KALRN: variants seen among roughly 807,000 people sequenced by gnomAD.
KALRN encodes the protein kalirin.
In KALRN, 70 loss-of-function variants were observed where a neutral mutation model predicts 353.7. The ratio of observed to expected loss-of-function variants is 0.20; its 90% CI spans 0.16 to 0.24. The LOEUF is 0.24. KALRN is among the 10% of genes least tolerant of loss of function. The pLI, the probability that KALRN is intolerant of heterozygous loss-of-function variation, is 1.00. For synonymous variants in KALRN, 1,391 were observed against 1,434.8 expected (o/e 0.97, Z 0.69); for missense variants, 2,791 against 3,756.7 (o/e 0.74, Z 6.72).
intron 35 of KALRN, among the ~76,000 whole-genome samples, chr3:124,633,452 G>C (rs915121821): frequency 6.6e-6 from 1 of 151,988 alleles, no homozygotes; most frequent in African/African-American, 2.4e-5. Context: ...ACCCCCTCTT[G>C]TTGTGATTTT....
At position 124,671,836 on chromosome 3, in the gene KALRN, A is replaced by G; in HGVS notation, c.6880A>G (p.Thr2294Ala). The G allele has an allele frequency of 1.2e-6, 2 of 1,613,968 alleles. No homozygotes were observed. Among genetic ancestry groups the G allele is most frequent in the Non-Finnish European group, 1.7e-6 (2 of 1,179,984 alleles). ...ACCTCTGCCTCCCCTGAAGATATCTACCTCCAATGGCAGTCCAGGGTTTGA... is the reference window on the plus strand; with the variant it reads ...ACCTCTGCCTCCCCTGAAGATATCTGCCTCCAATGGCAGTCCAGGGTTTGA... The part of the protein sequence containing the change: ...NPPLPPLKIS[T>A]SNGSPGFEYH... The change falls in exon 48 of 60, where the codon ACC becomes GCC. Residue 2294 changes from threonine (T) to alanine (A), a missense_variant. By Grantham distance (58) the Thr-to-Ala change is moderately conservative. Transcript: ENST00000682506.
chr3:124,294,003 C>T (rs1416362160), intron 5 of KALRN, among the ~76,000 whole-genome samples: 3 of 151,916 alleles, frequency 2.0e-5, no homozygotes, highest in Non-Finnish European at 2.9e-5. Flanking sequence ...TCCCCAGACA[C>T]CTGGCACTCC....
chr3:124,440,319 T>C (rs1299030291), intron 18 of KALRN, among the ~76,000 whole-genome samples: 1 of 152,148 alleles, frequency 6.6e-6, no homozygotes, highest in Admixed American at 6.5e-5. Context: ...AAGAAAGAAA[T>C]AGAAAACCCT....
chr3:124,604,499 C>T (rs7626419), intron 34 of KALRN, among the ~76,000 whole-genome samples: 92,717 of 151,846 alleles, frequency 0.61, 28,570 homozygotes, highest in East Asian at 0.83. Context: ...GTTTGGGAAA[C>T]GAAGGTTGGA....
At chr3:124,122,393 G>A (rs61556430) in intron 1 of KALRN, among the ~76,000 whole-genome samples, 1 of 152,144 alleles carries the variant, frequency 6.6e-6, no homozygotes, top group East Asian at 1.9e-4. Flanking sequence ...TGACTTCTGA[G>A]TGTATAGGCA....
chr3:124,286,744 C>A (rs1016795379), intron 5 of KALRN, among the ~76,000 whole-genome samples: 1 of 151,992 alleles, frequency 6.6e-6, no homozygotes, highest in Non-Finnish European at 1.5e-5. Context: ...CCATTTTGTC[C>A]CTTCCCCCCA....
At position 124,633,944 on chromosome 3, in the gene KALRN, G is replaced by A. The variant is rs1410615793; in HGVS notation, c.5559G>A (p.Gln1853=). 1 of 1,613,320 alleles carries A rather than the reference G, an allele frequency of 6.2e-7. No individual in the cohort carries two copies. Among genetic ancestry groups the A allele is most frequent in the African/African-American group, 1.3e-5 (1 of 74,904 alleles). ...PMKIFDNDPT[Q]DEMSSSLLAA... ...AGATTTTTGACAACGACCCTACACAGGATGAAATGGTAGAACTTCTTTACT... is the reference window on the plus strand; with the variant it reads ...AGATTTTTGACAACGACCCTACACAAGATGAAATGGTAGAACTTCTTTACT... Residue 1853 remains glutamine (Q), a synonymous_variant, in exon 36 of 60, where the codon CAG becomes CAA. Transcript: ENST00000682506.
rs114610281 is a variant in KALRN at position 124,159,760 on chromosome 3, G to A, written c.74-68230G>A. The stretch of plus-strand genomic sequence containing the variant: ...ACACATGCTATTTCTTGGGTAAATG[G>A]GGAGAGATGAATGCTTGAAATAATG... On this transcript the variant is annotated intron_variant, in intron 1 of 59. Coordinates refer to ENST00000682506, the MANE Select transcript of KALRN (RefSeq NM_001388419.1). Among the ~76,000 whole-genome samples, 955 of 152,164 alleles carry A rather than the reference G, an allele frequency of 6.3e-3. 15 individuals are homozygous for A. Among genetic ancestry groups the A allele is most frequent in the Non-Finnish European group, 9.8e-3 (667 of 67,996 alleles).
chr3:124,319,811 G>A (rs56127971), intron 6 of KALRN, among the ~76,000 whole-genome samples: 1 of 151,838 alleles, frequency 6.6e-6, no homozygotes, highest in African/African-American at 2.4e-5. Flanking sequence ...TGGCCAACAT[G>A]GCAAAACCCC....
chr3:124,493,129 G>GT (rs1391047930), intron 32 of KALRN, among the ~76,000 whole-genome samples: 1 of 152,218 alleles, frequency 6.6e-6, no homozygotes, highest in Non-Finnish European at 1.5e-5. Flanking sequence ...AAAAGGAAGT[G>GT]TAAGATGAGT....
At chr3:124,176,794 A>C (rs1560153222) in intron 1 of KALRN, among the ~76,000 whole-genome samples, 1 of 152,100 alleles carries the variant, frequency 6.6e-6, no homozygotes, top group Non-Finnish European at 1.5e-5. Flanking sequence ...GTATTTTCTA[A>C]CTGTAGATTA....
At chr3:124,170,599 G>A (rs1295052151) in intron 1 of KALRN, among the ~76,000 whole-genome samples, 2 of 151,796 alleles carry the variant, frequency 1.3e-5, no homozygotes, top group Admixed American at 6.6e-5. Flanking sequence ...TATGAGAGAA[G>A]ACGTTTTCCT....
At chr3:124,571,035 A>C (rs577473383) in intron 34 of KALRN, among the ~76,000 whole-genome samples, 6 of 152,242 alleles carry the variant, frequency 3.9e-5, no homozygotes, top group South Asian at 2.1e-4. Context: ...TTGCACTGAA[A>C]TCCAAACACT....
chr3:124,434,871 A>C lies in KALRN; in HGVS notation c.3048+346A>C, dbSNP rs73187358. 7.7e-3 allele frequency among the ~76,000 whole-genome samples: 1,170 copies of C among 152,342 alleles called. 11 individuals are homozygous for C. Among genetic ancestry groups the C allele is most frequent in the Non-Finnish European group, 0.013 (906 of 68,034 alleles). On this transcript the variant is annotated intron_variant, in intron 17 of 59. Transcript: ENST00000682506. ...AAAACAATCCAAAACTCAGTGACAT[A>C]AAACAATAAACATTTATTTTTTTCT... is the stretch of plus-strand genomic sequence containing the variant.
intron 10 of KALRN, among the ~76,000 whole-genome samples, chr3:124,365,992 G>C (rs2084640827): frequency 6.6e-6 from 1 of 152,136 alleles, no homozygotes; most frequent in African/African-American, 2.4e-5. Flanking sequence ...ACTAATGCTG[G>C]CATTGTGCCT....
chr3:124,718,211 T>C (rs2063248572), intron 59 of KALRN, among the ~76,000 whole-genome samples: 1 of 145,908 alleles, frequency 6.9e-6, no homozygotes, highest in Non-Finnish European at 1.5e-5. Context: ...AACCTCTACC[T>C]CCCAGGTTCA....
chr3:124,343,442 G>A (rs1383328582), intron 9 of KALRN, among the ~76,000 whole-genome samples: 4 of 152,194 alleles, frequency 2.6e-5, no homozygotes, highest in Admixed American at 2.6e-4. Flanking sequence ...TTACAGGCAT[G>A]AGCCACTGCA....
chr3:124,500,271 C>T (rs1015424143), intron 33 of KALRN, among the ~76,000 whole-genome samples: 3 of 152,184 alleles, frequency 2.0e-5, no homozygotes, highest in African/African-American at 7.2e-5. Context: ...AGTGTTCTAG[C>T]ATGTATTGAA....
At chr3:124,550,217 A>G (rs1235405166) in intron 33 of KALRN, among the ~76,000 whole-genome samples, 1 of 152,180 alleles carries the variant, frequency 6.6e-6, no homozygotes, top group Non-Finnish European at 1.5e-5. Flanking sequence ...TCAAATGACT[A>G]CAGTTTCTCC....
Sources: gnomAD v4.1 joint callset for allele counts (sites outside exome capture counted in the v4.1 genomes callset) on GRCh38, gnomAD v4.1.1 for gene constraint, MANE v1.5 for transcripts, NCBI Gene and HGNC (gene_info 2026-07-23, HGNC 2026-07-21) for gene names.